The following EML5 variants were observed in gnomAD, a reference collection of about 807,000 sequenced individuals.
EML5 encodes EMAP like 5.
A neutral mutation model predicts 250.0 loss-of-function variants in EML5; 120 were observed. The observed-to-expected ratio is 0.48, with a 90% CI of 0.41 to 0.56. The LOEUF is 0.56. Among genes scored for constraint, EML5 ranks in the 20% least tolerant of loss-of-function variants. EML5 has a pLI of 0.00. For missense variants in EML5, 2,006 were observed against 2,437.6 expected (o/e 0.82, Z 3.73); for synonymous variants, 771 against 806.5 (o/e 0.96, Z 0.75).
intron 10 of EML5, among the ~76,000 whole-genome samples, chr14:88,711,392 G>T (rs758081637): frequency 6.2e-5 from 4 of 64,964 alleles, no homozygotes; most frequent in African/African-American, 3.0e-4. Flanking sequence ...CAGCATGGCT[G>T]GGGAGGCCTC....
chr14:88,655,832 A>T (rs1299514412), intron 27 of EML5, among the ~76,000 whole-genome samples: 1 of 152,244 alleles, frequency 6.6e-6, no homozygotes, highest in Non-Finnish European at 1.5e-5. Context: ...ACTTCTCAAA[A>T]GAAGATATTT....
chr14:88,661,730 C>T lies in EML5; in HGVS notation c.3599G>A (p.Cys1200Tyr), dbSNP rs1260389645. ...TAGAACCATTTTGTCACTGGTGAGG[C>T]AAGAAGCAGTTACATCTGTAACTTC... ...IGEVTDVTAS[C>Y]LTSDKMVLAT... The change falls in exon 25 of 44, where the codon TGC (cysteine) becomes TAC (tyrosine). Residue 1200 changes from cysteine (C) to tyrosine (Y), a missense_variant. By Grantham distance (194) the Cys-to-Tyr change is radical. Around this residue, in one of 7 missense-constraint regions of EML5, gnomAD observed 1,375 missense variants for 1,590.3 expected, o/e 0.86. Coordinates refer to ENST00000554922, the MANE Select transcript of EML5 (RefSeq NM_183387.3). The T allele has an allele frequency of 6.2e-7, 1 of 1,613,722 alleles. No homozygotes were observed. The highest frequency in any genetic ancestry group is 1.7e-5 in the Admixed American group (1 of 59,978).
chr14:88,676,954 A>C (rs1311140188), intron 21 of EML5, among the ~76,000 whole-genome samples: 1 of 152,112 alleles, frequency 6.6e-6, no homozygotes, highest in Non-Finnish European at 1.5e-5. Context: ...TCCCAGACTG[A>C]CGTGCAGTGG....
At chr14:88,728,156 T>C (rs1188756176) in intron 7 of EML5, among the ~76,000 whole-genome samples, 2 of 152,046 alleles carry the variant, frequency 1.3e-5, no homozygotes, top group African/African-American at 4.8e-5. Context: ...AAGGAAAATG[T>C]AGTTAGGCCT....
chr14:88,774,063 A>C (rs1033694944), intron 1 of EML5, among the ~76,000 whole-genome samples: 2 of 152,200 alleles, frequency 1.3e-5, no homozygotes, highest in African/African-American at 4.8e-5. Flanking sequence ...GGTTGCAGAG[A>C]GCCGAGTTCA....
chr14:88,780,142 G>C (rs994598680), intron 1 of EML5, among the ~76,000 whole-genome samples: 2 of 151,958 alleles, frequency 1.3e-5, no homozygotes, highest in African/African-American at 2.4e-5. Flanking sequence ...AGTACAGATG[G>C]GGTTTCACCA....
In EML5 at chr14:88,792,285, G is replaced by C; in HGVS notation, c.197+22C>G. The C allele has an allele frequency of 6.5e-7, 1 of 1,544,448 alleles. No individual in the cohort carries two copies. The highest frequency in any genetic ancestry group is 1.2e-5 in the South Asian group (1 of 83,568). ...CGGGAGCGGCTTGCAGGGTGACGGC[G>C]GCGGCCCCCGCTCCCCGGTACCTGA... On this transcript the variant is annotated intron_variant, in intron 1 of 43. Transcript: ENST00000554922. This position sits in a 1 kb window ranked among gnomAD's most constrained non-coding sequence, Gnocchi z 6.9.
intron 3 of EML5, 105 bp from the exon 4 acceptor site, chr14:88,744,196 T>G: frequency 3.4e-6 from 2 of 584,000 alleles, no homozygotes; most frequent in Non-Finnish European, 5.6e-6. Context: ...AAAATAATAT[T>G]CCTCAATAAA....
intron 17 of EML5, among the ~76,000 whole-genome samples, chr14:88,694,087 A>G (rs2141317876): frequency 6.6e-6 from 1 of 151,920 alleles, no homozygotes; most frequent in South Asian, 2.1e-4. Context: ...TTGACATCTT[A>G]TATTACCATA....
chr14:88,647,301 T>C (rs749469861), intron 28 of EML5, among the ~76,000 whole-genome samples: 1 of 151,514 alleles, frequency 6.6e-6, no homozygotes, highest in Non-Finnish European at 1.5e-5. Context: ...GAAACGGAGG[T>C]TGCAGTGAGC....
At chr14:88,762,037 T>C (rs2094252210) in intron 1 of EML5, among the ~76,000 whole-genome samples, 1 of 152,240 alleles carries the variant, frequency 6.6e-6, no homozygotes, top group African/African-American at 2.4e-5. Context: ...TTGATAGGGT[T>C]GTTTTTTTCT....
rs779543531 is a variant in EML5, at chr14:88,665,445, C to A, written c.3169G>T (p.Val1057Leu). The A allele has an allele frequency of 1.9e-6, 3 of 1,613,982 alleles. No individual in the cohort carries two copies. The highest frequency in any genetic ancestry group is 1.1e-5 in the South Asian group (1 of 91,088). ...AAGAAGCTTCCATCGTTGAGACCTACGGCTAAAGCTTTACCATCAGGAGAA... is the reference window on the plus strand; with the variant it reads ...AAGAAGCTTCCATCGTTGAGACCTAAGGCTAAAGCTTTACCATCAGGAGAA... ...CFSPDGKALA[V>L]GLNDGSFLMA... The change falls in exon 22 of 44, where the codon GTA (valine) becomes TTA (leucine). Residue 1057 changes from valine (V) to leucine (L), a missense_variant. Val to Leu is a conservative substitution (Grantham distance 32). Coordinates refer to ENST00000554922, the MANE Select transcript of EML5 (RefSeq NM_183387.3).
intron 25 of EML5, among the ~76,000 whole-genome samples, chr14:88,660,383 C>T (rs564442772): frequency 1.3e-5 from 2 of 151,472 alleles, no homozygotes; most frequent in East Asian, 3.9e-4. Flanking sequence ...GTAGTTTGAA[C>T]AGAGGGAAGT....
At chr14:88,774,262 G>A (rs567728375) in intron 1 of EML5, among the ~76,000 whole-genome samples, 22 of 152,200 alleles carry the variant, frequency 1.4e-4, no homozygotes, top group Admixed American at 2.0e-4. Flanking sequence ...AGGTGATGCC[G>A]TTGCTAGTCT....
At position 88,705,585 on chromosome 14, in the gene EML5, C is replaced by T. The variant is rs891156893; in HGVS notation, c.1829G>A (p.Ser610Asn). The change falls in exon 12 of 44, where the codon AGT becomes AAT. Residue 610 changes from serine to asparagine, a missense_variant. Physicochemically the swap from Ser to Asn is conservative, Grantham distance 46. Transcript: ENST00000554922. ...KDAVHIAPQE[S>N]LADSHSDESD... ...TTCATCACTATGAGAGTCAGCCAGA[C>T]TTTCTGTAATTTTTAAAAATGAAAT... The T allele has an allele frequency of 2.5e-6, 4 of 1,577,738 alleles. No homozygotes were observed. The highest frequency in any genetic ancestry group is 3.4e-6 in the Non-Finnish European group (4 of 1,159,530).
intron 12 of EML5, 38 bp downstream of exon 12, chr14:88,705,444 G>C (rs1481901159): frequency 7.0e-7 from 1 of 1,431,892 alleles, no homozygotes; most frequent in South Asian, 1.2e-5. Flanking sequence ...GAAGAAATTA[G>C]ACTTTTTAGA....
At chr14:88,744,938 C>T (rs906117057) in intron 3 of EML5, among the ~76,000 whole-genome samples, 1 of 151,988 alleles carries the variant, frequency 6.6e-6, no homozygotes, top group Non-Finnish European at 1.5e-5. Context: ...TAATATTTAA[C>T]AACTCACCAT....
At chr14:88,744,593 G>T (rs1415655251) in intron 3 of EML5, among the ~76,000 whole-genome samples, 18 of 151,874 alleles carry the variant, frequency 1.2e-4, no homozygotes, top group Non-Finnish European at 4.4e-5. Flanking sequence ...AAATTTTGGG[G>T]AGTCTCCAGG....
chr14:88,792,656 G>A lies in EML5; in HGVS notation c.-153C>T. The A allele has an allele frequency of 8.7e-7, 1 of 1,145,042 alleles. No homozygotes were observed. The highest frequency in any genetic ancestry group is 4.3e-5 in the East Asian group (1 of 23,452). 70.9% of individuals were successfully genotyped at this position (1,145,042 alleles called of 1,614,324 possible). A position where few individuals can be genotyped will look rare whatever the true frequency, so the allele number is the denominator to read the frequency against. On this transcript the variant is annotated 5_prime_UTR_variant, in exon 1 of 44. Transcript: ENST00000554922. The surrounding 1 kb of genome is among the most constrained non-coding windows in gnomAD (Gnocchi z 6.9). ...CCGTCAGGTGCATCTCGTTTCGGGG[G>A]CCGCCGCCGCCTCAGCCCACAGGCG...
Sources: allele counts gnomAD v4.1 joint callset (sites outside exome capture counted in the v4.1 genomes callset), GRCh38; gene constraint gnomAD v4.1.1; regional missense constraint gnomAD v4.1.1; non-coding constraint Gnocchi (gnomAD v3.1); transcripts MANE v1.5; gene names NCBI Gene and HGNC (gene_info 2026-07-23, HGNC 2026-07-21).